ZNF354C: variants seen among roughly 807,000 people sequenced by gnomAD.
The protein encoded by ZNF354C is zinc finger protein 354C, also known as KRAB-zinc finger protein synten.
Under a neutral mutation model 12.4 loss-of-function variants are expected in ZNF354C, and 7 were observed. That is an observed-to-expected ratio of 0.56 (90% CI 0.32 to 1.06). ZNF354C has a LOEUF of 1.06. ZNF354C is among the 50% of genes least tolerant of loss of function. The pLI, the probability that ZNF354C is intolerant of heterozygous loss-of-function variation, is 0.04. For synonymous variants in ZNF354C, 202 were observed against 224.5 expected, an observed-to-expected ratio of 0.90 and a Z score of 0.90; for missense variants, 609 against 658.0, an observed-to-expected ratio of 0.93 and a Z score of 0.81.
At chr5:179,062,804 A>G (rs774472512) in intron 2 of ZNF354C, among the ~76,000 whole-genome samples, 11 of 151,234 alleles carry the variant, frequency 7.3e-5, no homozygotes, top group Non-Finnish European at 1.6e-4. Flanking sequence ...TGATTCCTCT[A>G]TTTCCTTCTC....
Position 179,080,842 on chromosome 5 carries a change from ACTGAAGCAG to A in ZNF354C, c.*749_*757del, listed in dbSNP as rs1293384141. 1.3e-5 allele frequency: 2 copies of A among 152,220 alleles called. No individual in the cohort carries two copies. Among genetic ancestry groups the A allele is most frequent in the Non-Finnish European group, 2.9e-5 (2 of 68,032 alleles). 9.4% of individuals were successfully genotyped at this position (152,220 alleles called of 1,614,324 possible). A position where few individuals can be genotyped will look rare whatever the true frequency, so the allele number is the denominator to read the frequency against. On this transcript the variant is annotated 3_prime_UTR_variant, in exon 5 of 5. Coordinates refer to ENST00000315475, the MANE Select transcript of ZNF354C (RefSeq NM_014594.3). ...TTACAGTACCGTAGAAGGCGGATTA[ACTGAAGCAG>A]CTGGAAAGACTGTCAAGCACATACT...
intron 3 of ZNF354C, 64 bp downstream of exon 3, chr5:179,076,635 G>T: frequency 3.8e-6 from 6 of 1,589,256 alleles, no homozygotes; most frequent in Non-Finnish European, 5.1e-6. Flanking sequence ...CATCTTTGGG[G>T]TTCCGAGCCT....
At chr5:179,063,270 C>A (rs1761917414) in intron 2 of ZNF354C, among the ~76,000 whole-genome samples, 2 of 152,124 alleles carry the variant, frequency 1.3e-5, no homozygotes, top group African/African-American at 4.8e-5. Context: ...GCATTAGTAA[C>A]AGTAGTAGCT....
At position 179,083,039 on chromosome 5, in the gene ZNF354C, T is replaced by C; in HGVS notation, c.*2942T>C. The C allele has an allele frequency of 1.3e-6, 1 of 783,392 alleles. No homozygotes were observed. The highest frequency in any genetic ancestry group is 1.7e-5 in the South Asian group (1 of 60,048). 48.5% of individuals were successfully genotyped at this position (783,392 alleles called of 1,614,324 possible). On this transcript the variant is annotated 3_prime_UTR_variant, in exon 5 of 5. Coordinates refer to ENST00000315475, the MANE Select transcript of ZNF354C (RefSeq NM_014594.3). ...CAAACTGATCTTGCACACATTCCACTGGCCCTACGCAGGGGTGTGATGTTG... is the reference window on the plus strand; with the variant it reads ...CAAACTGATCTTGCACACATTCCACCGGCCCTACGCAGGGGTGTGATGTTG...
chr5:179,078,762 A>G lies in ZNF354C; in HGVS notation c.330A>G (p.Val110=). 7 of 1,613,938 alleles carry G rather than the reference A, an allele frequency of 4.3e-6. No homozygotes were observed. The highest frequency in any genetic ancestry group is 5.9e-6 in the Non-Finnish European group (7 of 1,179,942). The change falls in exon 5 of 5, where the codon GTA becomes GTG. Residue 110 remains valine (V), a synonymous_variant. Transcript: ENST00000315475. ...TAGAAGAAACATCTCAGGGAATGGT[A>G]AAGAAAGAATCCATTAAGGATGGTC... ...IFIEETSQGM[V]KKESIKDGHW...
rs766649479 is a variant in ZNF354C at position 179,079,429 on chromosome 5, T to G, written c.997T>G (p.Cys333Gly). 6.2e-7 allele frequency: 1 copy of G among 1,614,072 alleles called. No individual in the cohort carries two copies. Among genetic ancestry groups the G allele is most frequent in the Admixed American group, 1.7e-5 (1 of 60,016 alleles). The change falls in exon 5 of 5, where the codon TGT becomes GGT. Residue 333 changes from cysteine to glycine, a missense_variant. By Grantham distance (159) the Cys-to-Gly change is radical (BLOSUM62 -3). Coordinates refer to ENST00000315475, the MANE Select transcript of ZNF354C (RefSeq NM_014594.3). This position sits in a 1 kb window ranked among gnomAD's most constrained non-coding sequence, Gnocchi z 4.2. ...TGEKLYKCGE[C>G]EKAFNCRAKL... ...AGAGAAACTCTATAAATGCGGCGAA[T>G]GTGAGAAGGCCTTCAACTGTAGAGC...
At chr5:179,069,812 G>A (rs1216794045) in intron 2 of ZNF354C, among the ~76,000 whole-genome samples, 2 of 151,188 alleles carry the variant, frequency 1.3e-5, no homozygotes, top group East Asian at 2.0e-4. Context: ...CTTGCAGTGA[G>A]CCGAGATTGC....
chr5:179,078,875 AT>A lies in ZNF354C; in HGVS notation c.445del (p.Ser149ArgfsTer35). ...QEKKPLRQMI[D>X]SHEKTISEDG... ...AAGAAACCTCTTAGACAAATGATAG[AT>A]TCGCATGAGAAAACCATCAGTGAAG... On this transcript the variant is annotated frameshift_variant, in exon 5 of 5. Coordinates refer to ENST00000315475, the MANE Select transcript of ZNF354C (RefSeq NM_014594.3). LOFTEE classifies it low-confidence loss of function (END_TRUNC). 1 of 1,614,112 alleles carries A rather than the reference AT, an allele frequency of 6.2e-7. No individual in the cohort carries two copies. The highest frequency in any genetic ancestry group is 8.5e-7 in the Non-Finnish European group (1 of 1,179,994).
At position 179,082,390 on chromosome 5, in the gene ZNF354C, G is replaced by T; in HGVS notation, c.*2293G>T. 1 of 334,016 alleles carries T rather than the reference G, an allele frequency of 3.0e-6. No homozygotes were observed. The highest frequency in any genetic ancestry group is 6.3e-5 in the East Asian group (1 of 15,774). 20.7% of individuals were successfully genotyped at this position (334,016 alleles called of 1,614,324 possible). ...TTATCTTCCTGTTTAAAGAAATACA[G>T]GAATAGAGGAACAAGTTGAATTACA... On this transcript the variant is annotated 3_prime_UTR_variant, in exon 5 of 5. Transcript: ENST00000315475.
At chr5:179,070,253 C>T (rs1762030834) in intron 2 of ZNF354C, among the ~76,000 whole-genome samples, 1 of 152,144 alleles carries the variant, frequency 6.6e-6, no homozygotes, top group African/African-American at 2.4e-5. Flanking sequence ...ACAGTTTTAT[C>T]CTGAGACCAT....
Position 179,079,843 on chromosome 5 carries a change from A to AATC in ZNF354C, c.1413_1415dup (p.Asn471_Gln472insHis), listed in dbSNP as rs1561752614. On this transcript the variant is annotated inframe_insertion, in exon 5 of 5. Transcript: ENST00000315475. The surrounding 1 kb of genome is among the most constrained non-coding windows in gnomAD (Gnocchi z 4.2). ...TACTGGAGAGAAACCGTATCAGTGT[A>AATC]ATCAGTGTGGAAAGGCCTTCAGCCA... The AATC allele has an allele frequency of 6.2e-7, 1 of 1,614,028 alleles. No individual in the cohort carries two copies. The highest frequency in any genetic ancestry group is 1.3e-5 in the African/African-American group (1 of 74,928).
rs1005238549 is a variant in ZNF354C at position 179,069,555 on chromosome 5, C to A, written c.28-6890C>A. Among the ~76,000 whole-genome samples, 19 of 125,696 alleles carry A rather than the reference C, an allele frequency of 1.5e-4. No homozygotes were observed. In the Admixed American group the frequency reaches 1.8e-3, roughly 12 times the overall value. The allele number at this position is 125,696 out of a possible 152,430, so 82.5% of individuals were successfully genotyped here. A position where few individuals can be genotyped will look rare whatever the true frequency, so the allele number is the denominator to read the frequency against. On this transcript the variant is annotated intron_variant, in intron 2 of 4. Coordinates refer to ENST00000315475, the MANE Select transcript of ZNF354C (RefSeq NM_014594.3). ...CCAGCCTGGGCGACAGAGCAAGACT[C>A]CATCTCAAAAAAAAAAAAAAAAAAG...
chr5:179,061,006 C>T (rs575354765), intron 1 of ZNF354C, among the ~76,000 whole-genome samples: 1 of 152,356 alleles, frequency 6.6e-6, no homozygotes, highest in South Asian at 2.1e-4. Flanking sequence ...AGGTCACGAC[C>T]TCCTGGTTTT....
In ZNF354C at chr5:179,082,878, C is replaced by T. The variant is rs1475734581; in HGVS notation, c.*2781C>T. On this transcript the variant is annotated 3_prime_UTR_variant, in exon 5 of 5. Transcript: ENST00000315475. ...ACAGACTCGCCAAACATTCCAGGCA[C>T]TGCACTTGCCAGTGCGCTGATGAAG... 13 of 1,074,238 alleles carry T rather than the reference C, an allele frequency of 1.2e-5. No homozygotes were observed. The highest frequency in any genetic ancestry group is 1.6e-5 in the Non-Finnish European group (11 of 690,450). 66.5% of individuals were successfully genotyped at this position (1,074,238 alleles called of 1,614,324 possible).
In ZNF354C at chr5:179,079,289, C is replaced by G; in HGVS notation, c.857C>G (p.Thr286Ser). 1.2e-6 allele frequency: 2 copies of G among 1,614,074 alleles called. No individual in the cohort carries two copies. Among genetic ancestry groups the G allele is most frequent in the Non-Finnish European group, 1.7e-6 (2 of 1,180,022 alleles). The change falls in exon 5 of 5, where the codon ACC becomes AGC. Residue 286 changes from threonine to serine, a missense_variant. Physicochemically the swap from Thr to Ser is moderately conservative, Grantham distance 58. Coordinates refer to ENST00000315475, the MANE Select transcript of ZNF354C (RefSeq NM_014594.3). The surrounding 1 kb of genome is among the most constrained non-coding windows in gnomAD (Gnocchi z 4.2). ...GAGAAGGCATTTAGCAACAGTTCAA[C>G]CCTTATCAAACATCTGAGAGTGCAT... ...ECEKAFSNSS[T>S]LIKHLRVHTG...
In ZNF354C at chr5:179,081,068, C is replaced by G. The variant is rs1301338600; in HGVS notation, c.*971C>G. 1.3e-5 allele frequency: 2 copies of G among 152,106 alleles called. No individual in the cohort carries two copies. The highest frequency in any genetic ancestry group is 2.9e-5 in the Non-Finnish European group (2 of 68,004). 9.4% of individuals were successfully genotyped at this position (152,106 alleles called of 1,614,324 possible). ...TGGTGTTTTGTGATCATTATAGGCT[C>G]GTTTCCAACCTGAGGTCCCAAGAGT... is the stretch of plus-strand genomic sequence containing the variant. On this transcript the variant is annotated 3_prime_UTR_variant, in exon 5 of 5. Transcript: ENST00000315475.
rs1489080512 is a variant in ZNF354C, at chr5:179,079,814, T to C, written c.1382T>C (p.Ile461Thr). 1 of 1,614,144 alleles carries C rather than the reference T, an allele frequency of 6.2e-7. No homozygotes were observed. ...TCTAACCTTTATAGGCATCAGAGAA[T>C]TCATACTGGAGAGAAACCGTATCAG... ...CKSNLYRHQR[I>T]HTGEKPYQCN... Residue 461 changes from isoleucine (I) to threonine (T), a missense_variant, in exon 5 of 5, where the codon ATT becomes ACT. Transcript: ENST00000315475. This position sits in a 1 kb window ranked among gnomAD's most constrained non-coding sequence, Gnocchi z 4.2.
intron 2 of ZNF354C, among the ~76,000 whole-genome samples, chr5:179,062,416 A>G (rs979589301): frequency 2.6e-5 from 4 of 152,178 alleles, no homozygotes; most frequent in African/African-American, 9.7e-5. Flanking sequence ...CATAGAGGAT[A>G]TAGTCACACT....
intron 2 of ZNF354C, among the ~76,000 whole-genome samples, chr5:179,070,012 C>T (rs1368026338): frequency 6.6e-6 from 1 of 152,206 alleles, no homozygotes; most frequent in Non-Finnish European, 1.5e-5. Context: ...ACAAAGGTCT[C>T]CAACCCCCAG....
Sources: gnomAD v4.1 joint callset for allele counts (sites outside exome capture counted in the v4.1 genomes callset) on GRCh38, gnomAD v4.1.1 for gene constraint, Gnocchi (gnomAD v3.1) non-coding constraint, MANE v1.5 for transcripts, NCBI Gene and HGNC (gene_info 2026-07-23, HGNC 2026-07-21) for gene names.